The following PRKCI variants were observed in gnomAD, a reference collection of about 807,000 sequenced individuals.
PRKCI encodes protein kinase C iota type.
In PRKCI, 43 loss-of-function variants were observed where a neutral mutation model predicts 84.0. The observed-to-expected ratio is 0.51, with a 90% CI of 0.40 to 0.66. The LOEUF (loss-of-function observed/expected upper bound fraction) is 0.66. Ranked by LOEUF, PRKCI falls within the 30% of genes least tolerant of loss-of-function variation. The pLI, the probability that PRKCI is intolerant of heterozygous loss-of-function variation, is 0.00. For synonymous variants in PRKCI, 216 were observed against 234.4 expected, an observed-to-expected ratio of 0.92 and a Z score of 0.72; for missense variants, 459 against 745.6, an observed-to-expected ratio of 0.62 and a Z score of 4.48.
chr3:170,231,257 G>A (rs533327008), intron 1 of PRKCI, among the ~76,000 whole-genome samples: 5 of 151,812 alleles, frequency 3.3e-5, no homozygotes, highest in East Asian at 3.9e-4. Context: ...CACCGTGCCC[G>A]GCCTATTCCT....
chr3:170,222,803 G>A (rs890622965), intron 1 of PRKCI, 33 bp downstream of exon 1: 3 of 1,573,280 alleles, frequency 1.9e-6, no homozygotes, highest in African/African-American at 2.7e-5. Flanking sequence ...GTGGGCGGGA[G>A]GGGACAGGCC....
intron 17 of PRKCI, among the ~76,000 whole-genome samples, chr3:170,300,582 T>C (rs1208851691): frequency 1.4e-5 from 2 of 146,302 alleles, no homozygotes; most frequent in African/African-American, 5.1e-5. Context: ...TCTTAAAGCC[T>C]CAAAAAAAAA....
At chr3:170,230,568 G>A (rs1386344785) in intron 1 of PRKCI, among the ~76,000 whole-genome samples, 1 of 152,246 alleles carries the variant, frequency 6.6e-6, no homozygotes, top group Non-Finnish European at 1.5e-5. Context: ...GACCTCAAGT[G>A]ATTCACCCGC....
At chr3:170,267,220 G>GA (rs938917019) in intron 4 of PRKCI, among the ~76,000 whole-genome samples, 174 of 146,164 alleles carry the variant, frequency 1.2e-3, no homozygotes, top group African/African-American at 3.7e-3. Flanking sequence ...AAGTAATTCA[G>GA]AAAAAAAAAA....
At chr3:170,252,544 G>GTAAT (rs1376553044) in intron 2 of PRKCI, among the ~76,000 whole-genome samples, 1 of 150,898 alleles carries the variant, frequency 6.6e-6, no homozygotes, top group Non-Finnish European at 1.5e-5. Flanking sequence ...TTTGTTGACT[G>GTAAT]TAATTACCCT....
chr3:170,268,233 C>A (rs2108852580), intron 5 of PRKCI, among the ~76,000 whole-genome samples: 1 of 152,326 alleles, frequency 6.6e-6, no homozygotes, highest in Admixed American at 6.5e-5. Context: ...ATAATCCCAG[C>A]ACATTGGGAG....
At chr3:170,292,163 G>T (rs548992944) in intron 13 of PRKCI, among the ~76,000 whole-genome samples, 1 of 152,240 alleles carries the variant, frequency 6.6e-6, no homozygotes, top group South Asian at 2.1e-4. Flanking sequence ...TTTTATTAGT[G>T]GCAAACACTA....
intron 6 of PRKCI, among the ~76,000 whole-genome samples, chr3:170,273,011 A>C (rs1734035969): frequency 6.6e-6 from 1 of 152,222 alleles, no homozygotes; most frequent in Admixed American, 6.5e-5. Flanking sequence ...GTAGTGTTGA[A>C]GAGAAGCAAA....
intron 4 of PRKCI, 90 bp from the exon 5 acceptor site, chr3:170,267,825 G>A: frequency 1.1e-6 from 1 of 871,710 alleles, no homozygotes; most frequent in South Asian, 2.0e-5. Context: ...CTTGCAGTGA[G>A]TATCATGAAA....
At chr3:170,281,732 C>G in intron 10 of PRKCI, 150 bp from the exon 11 acceptor site, 1 of 995,710 alleles carries the variant, frequency 1.0e-6, no homozygotes, top group East Asian at 2.8e-5. Flanking sequence ...TGTTCCGTAC[C>G]CTAGATACCC....
At chr3:170,278,446 GT>G (rs1734170208) in intron 8 of PRKCI, among the ~76,000 whole-genome samples, 1 of 152,164 alleles carries the variant, frequency 6.6e-6, no homozygotes, top group Non-Finnish European at 1.5e-5. Flanking sequence ...GAGGCCAGTA[GT>G]TCAGGACCAG....
Position 170,222,435 on chromosome 3 carries a change from T to G in PRKCI, c.-235T>G. ...AAGTGGGAGGGACCGACGCAGGAGG[T>G]GTCTTGGGCCCGGGCGGCTGTAGAG... On this transcript the variant is annotated 5_prime_UTR_variant, in exon 1 of 18. Transcript: ENST00000295797. 3 of 432,870 alleles carry G rather than the reference T, an allele frequency of 6.9e-6. No individual in the cohort carries two copies. Among genetic ancestry groups the G allele is most frequent in the Non-Finnish European group, 8.1e-6 (2 of 248,314 alleles). 26.8% of individuals were successfully genotyped at this position (432,870 alleles called of 1,614,324 possible). A position where few individuals can be genotyped will look rare whatever the true frequency, so the allele number is the denominator to read the frequency against.
chr3:170,232,527 CA>C (rs1732829537), intron 1 of PRKCI, among the ~76,000 whole-genome samples: 1 of 151,702 alleles, frequency 6.6e-6, no homozygotes, highest in Non-Finnish European at 1.5e-5. Flanking sequence ...CTCCATTTTT[CA>C]GATAACATTG....
intron 6 of PRKCI, 139 bp downstream of exon 6, chr3:170,270,700 T>C (rs1167395421): frequency 4.6e-6 from 5 of 1,086,340 alleles, no homozygotes; most frequent in Non-Finnish European, 6.3e-6. Flanking sequence ...AGGAATACCT[T>C]ACGTTACTGT....
intron 2 of PRKCI, among the ~76,000 whole-genome samples, chr3:170,250,620 A>G (rs1733421170): frequency 2.0e-5 from 3 of 152,120 alleles, no homozygotes; most frequent in African/African-American, 7.2e-5. Context: ...ATAATATTCC[A>G]TTGTATGGAT....
At chr3:170,230,473 G>A (rs778521884) in intron 1 of PRKCI, among the ~76,000 whole-genome samples, 8 of 152,182 alleles carry the variant, frequency 5.3e-5, no homozygotes, top group Non-Finnish European at 1.0e-4. Context: ...TGGGATTACA[G>A]GCATGCGCCA....
At chr3:170,231,844 A>G (rs1308144008) in intron 1 of PRKCI, among the ~76,000 whole-genome samples, 2 of 152,226 alleles carry the variant, frequency 1.3e-5, no homozygotes, top group Non-Finnish European at 2.9e-5. Flanking sequence ...AGTGAAATAT[A>G]ATAGAAAAAT....
intron 1 of PRKCI, among the ~76,000 whole-genome samples, chr3:170,228,438 C>G (rs1732690866): frequency 6.6e-6 from 1 of 151,832 alleles, no homozygotes; most frequent in Non-Finnish European, 1.5e-5. Flanking sequence ...CCTATCTCTA[C>G]AAAAAAATTA....
chr3:170,275,374 A>G, intron 8 of PRKCI, 87 bp downstream of exon 8: 1 of 1,266,416 alleles, frequency 7.9e-7, no homozygotes, highest in Non-Finnish European at 1.1e-6. Context: ...TGACCTGCTT[A>G]GACTTTAGAT....
Sources: gnomAD v4.1 joint callset for allele counts (sites outside exome capture counted in the v4.1 genomes callset) on GRCh38, gnomAD v4.1.1 for gene constraint, MANE v1.5 for transcripts, NCBI Gene and HGNC (gene_info 2026-07-23, HGNC 2026-07-21) for gene names.